The following ENPP3 variants were observed in gnomAD, a reference collection of about 807,000 sequenced individuals.
ENPP3 encodes the protein ectonucleotide pyrophosphatase/phosphodiesterase 3.
ENPP3 carries 104 observed loss-of-function variants against 117.8 expected under a neutral mutation model. The observed-to-expected ratio is 0.88, with a 90% CI of 0.75 to 1.04. ENPP3 has a LOEUF of 1.04. ENPP3 is among the 50% of genes least tolerant of loss of function. The pLI, the probability that ENPP3 is intolerant of heterozygous loss-of-function variation, is 0.00. For missense variants in ENPP3, 1,026 were observed against 1,051.9 expected, an observed-to-expected ratio of 0.98 and a Z score of 0.34; for synonymous variants, 380 against 349.9, an observed-to-expected ratio of 1.09 and a Z score of -0.96.
At chr6:131,726,018 T>TTTTTA (rs1277222439) in intron 19 of ENPP3, 28 bp from the exon 20 acceptor site, 38 of 1,564,348 alleles carry the variant, frequency 2.4e-5, no homozygotes, top group Non-Finnish European at 3.2e-5. Flanking sequence ...TTCATGAACC[T>TTTTTA]TTTTATTTTA....
intron 15 of ENPP3, among the ~76,000 whole-genome samples, chr6:131,716,918 C>T (rs574549167): frequency 6.6e-6 from 1 of 151,502 alleles, no homozygotes; most frequent in Admixed American, 6.6e-5. Flanking sequence ...TTGCAGTGAG[C>T]CAAGATCACG....
intron 11 of ENPP3, among the ~76,000 whole-genome samples, chr6:131,679,089 T>TTCCTTCCTTC (rs1562447085): frequency 1.2e-5 from 1 of 80,468 alleles, no homozygotes; most frequent in African/African-American, 6.1e-5. Flanking sequence ...TTCTTTCTTT[T>TTCCTTCCTTC]CTTCTTTCTT....
chr6:131,641,825 G>A (rs1464224425), intron 2 of ENPP3, among the ~76,000 whole-genome samples: 1 of 20,200 alleles, frequency 5.0e-5, no homozygotes, highest in Non-Finnish European at 7.5e-5. Context: ...TTTTTTTTTG[G>A]CAAGATCTCA....
At chr6:131,702,025 T>A (rs1483544020) in intron 15 of ENPP3, among the ~76,000 whole-genome samples, 36 of 148,394 alleles carry the variant, frequency 2.4e-4, no homozygotes, top group Non-Finnish European at 4.4e-4. Flanking sequence ...GGTCTTTTTT[T>A]AAAAAAAATT....
At chr6:131,674,469 T>G (rs940224604) in intron 8 of ENPP3, 188 bp downstream of exon 8, 15 of 622,674 alleles carry the variant, frequency 2.4e-5, no homozygotes, top group Non-Finnish European at 4.4e-5. Context: ...TTAACTCAAA[T>G]AGGTATGTTT....
At chr6:131,730,810 G>A (rs1267399553) in intron 20 of ENPP3, among the ~76,000 whole-genome samples, 2 of 151,684 alleles carry the variant, frequency 1.3e-5, no homozygotes, top group East Asian at 3.9e-4. Context: ...AGCTACTTGG[G>A]AAGCTGAGGC....
chr6:131,710,811 C>A (rs751311723), intron 15 of ENPP3: 1 of 1,613,520 alleles, frequency 6.2e-7, no homozygotes, highest in East Asian at 2.2e-5. Flanking sequence ...CCACATAAAG[C>A]CGACTCCTAA....
At chr6:131,690,557 A>G (rs1188521502) in intron 14 of ENPP3, among the ~76,000 whole-genome samples, 1 of 152,194 alleles carries the variant, frequency 6.6e-6, no homozygotes, top group Non-Finnish European at 1.5e-5. Flanking sequence ...GCACTGGGAA[A>G]CCAATTCATA....
intron 11 of ENPP3, among the ~76,000 whole-genome samples, chr6:131,681,520 A>C (rs1779023640): frequency 1.3e-5 from 2 of 151,802 alleles, no homozygotes; most frequent in South Asian, 4.1e-4. Flanking sequence ...AAAAAAAAAA[A>C]CACAGAAAAT....
chr6:131,744,005 T>C (rs1780582458), intron 24 of ENPP3, among the ~76,000 whole-genome samples: 1 of 152,154 alleles, frequency 6.6e-6, no homozygotes, highest in Non-Finnish European at 1.5e-5. Flanking sequence ...CCTGATAAAA[T>C]AGATGGCTGG....
rs1780653998 is a variant in ENPP3 at position 131,747,116 on chromosome 6, C to A, written c.*160C>A. On this transcript the variant is annotated 3_prime_UTR_variant, in exon 25 of 25. Transcript: ENST00000357639. Reference sequence around the variant, plus strand: ...TATTCCTTTTTCTCTTTTTTCAATTCTATGAATATGTATTATTTTAAAGTT... The same window carrying A: ...TATTCCTTTTTCTCTTTTTTCAATTATATGAATATGTATTATTTTAAAGTT... 2 of 458,746 alleles carry A rather than the reference C, an allele frequency of 4.4e-6. No homozygotes were observed. The highest frequency in any genetic ancestry group is 7.6e-6 in the Non-Finnish European group (2 of 264,530). 28.4% of individuals were successfully genotyped at this position (458,746 alleles called of 1,614,324 possible). A position where few individuals can be genotyped will look rare whatever the true frequency, so the allele number is the denominator to read the frequency against.
intron 21 of ENPP3, among the ~76,000 whole-genome samples, 156 bp downstream of exon 21, chr6:131,733,879 C>G (rs988047127): frequency 1.3e-5 from 2 of 152,180 alleles, no homozygotes; most frequent in Non-Finnish European, 2.9e-5. Context: ...CAGAGCAGCA[C>G]AGCGGCTGTA....
chr6:131,739,701 A>G (rs542277949), intron 23 of ENPP3, among the ~76,000 whole-genome samples: 53 of 149,292 alleles, frequency 3.6e-4, no homozygotes, highest in African/African-American at 1.3e-3. Context: ...AGCAAAAAAT[A>G]TGTAAGACCT....
At position 131,685,357 on chromosome 6, in the gene ENPP3, T is replaced by C. The variant is rs1328667264; in HGVS notation, c.1121-7T>C. ...CAGTGGGTTATTATGATTATTTTTT[T>C]ATTCAGGAATGGACCAGACTTATTG... is the stretch of plus-strand genomic sequence containing the variant. On this transcript the variant is annotated splice_region_variant and splice_polypyrimidine_tract_variant and intron_variant, in intron 12 of 24. Coordinates refer to ENST00000357639, the MANE Select transcript of ENPP3 (RefSeq NM_005021.5). The C allele has an allele frequency of 8.1e-6, 13 of 1,603,282 alleles. No homozygotes were observed. The highest frequency in any genetic ancestry group is 1.1e-5 in the Non-Finnish European group (13 of 1,173,748).
At chr6:131,718,311 C>G (rs1301100402) in intron 15 of ENPP3, among the ~76,000 whole-genome samples, 1 of 152,002 alleles carries the variant, frequency 6.6e-6, no homozygotes, top group Admixed American at 6.6e-5. Context: ...AAAGGTACAC[C>G]CATGAGCTTG....
rs1318393530 is a variant in ENPP3, at chr6:131,675,343, T to C, written c.872+154T>C. 1.9e-5 allele frequency: 11 copies of C among 589,372 alleles called. No individual in the cohort carries two copies. The South Asian group carries it at 2.1e-4, about 11-fold the overall frequency. The allele number at this position is 589,372 out of a possible 1,614,324, so 36.5% of individuals were successfully genotyped here. A position where few individuals can be genotyped will look rare whatever the true frequency, so the allele number is the denominator to read the frequency against. On this transcript the variant is annotated intron_variant, in intron 9 of 24. Transcript: ENST00000357639. ...CCTTTCCTTTATGTCACTCAAGCAG[T>C]CTCTCAGTAAATGCTTTTGGCTGTA... is the stretch of plus-strand genomic sequence containing the variant.
chr6:131,716,233 A>G (rs1056428242), intron 15 of ENPP3, among the ~76,000 whole-genome samples: 1 of 152,232 alleles, frequency 6.6e-6, no homozygotes. Flanking sequence ...CTCATTTTCC[A>G]AGTGCCAGCT....
chr6:131,661,102 A>G (rs1025636058), intron 6 of ENPP3, among the ~76,000 whole-genome samples: 1 of 152,168 alleles, frequency 6.6e-6, no homozygotes, highest in African/African-American at 2.4e-5. Flanking sequence ...TTGTATGTAT[A>G]TGCCACCTTA....
chr6:131,671,592 A>G (rs1267681000), intron 7 of ENPP3, among the ~76,000 whole-genome samples: 1 of 152,210 alleles, frequency 6.6e-6, no homozygotes, highest in Non-Finnish European at 1.5e-5. Context: ...TGTGAGAAAT[A>G]CCATTTTCCT....
Sources: allele counts gnomAD v4.1 joint callset (sites outside exome capture counted in the v4.1 genomes callset), GRCh38; gene constraint gnomAD v4.1.1; transcripts MANE v1.5; gene names NCBI Gene and HGNC (gene_info 2026-07-23, HGNC 2026-07-21).